The following ANKRD33B variants were observed in gnomAD, a reference collection of about 807,000 sequenced individuals.
ANKRD33B encodes the protein ankyrin repeat domain 33B, also known as ankyrin repeat domain-containing protein 33B.
In ANKRD33B, 6 loss-of-function variants were observed where a neutral mutation model predicts 21.5. That is an observed-to-expected ratio of 0.28 (90% CI 0.15 to 0.55). The LOEUF is 0.55. Among genes scored for constraint, ANKRD33B ranks in the 20% least tolerant of loss-of-function variants. ANKRD33B has a pLI of 0.94. For synonymous variants in ANKRD33B, 347 were observed against 342.4 expected, an observed-to-expected ratio of 1.01 and a Z score of -0.15; for missense variants, 698 against 747.2, an observed-to-expected ratio of 0.93 and a Z score of 0.77.
chr5:10,596,492 C>T (rs1735819556), intron 1 of ANKRD33B, among the ~76,000 whole-genome samples: 1 of 152,220 alleles, frequency 6.6e-6, no homozygotes, highest in South Asian at 2.1e-4. Context: ...CTGCAAAGGA[C>T]ATGGTCTTGT....
chr5:10,567,693 G>A (rs138669385), intron 1 of ANKRD33B, among the ~76,000 whole-genome samples: 203 of 152,292 alleles, frequency 1.3e-3, no homozygotes, highest in African/African-American at 4.7e-3. Flanking sequence ...AAATAGGATG[G>A]TCATTTAGAG....
chr5:10,632,563 A>G (rs1008646354), intron 2 of ANKRD33B, among the ~76,000 whole-genome samples: 2 of 151,980 alleles, frequency 1.3e-5, no homozygotes, highest in East Asian at 3.9e-4. Context: ...TCTCTGAATC[A>G]AGCACTCCTC....
intron 1 of ANKRD33B, among the ~76,000 whole-genome samples, chr5:10,612,675 G>A (rs539768016): frequency 2.0e-5 from 3 of 152,286 alleles, no homozygotes; most frequent in East Asian, 1.9e-4. Flanking sequence ...CAGCTGCTGC[G>A]ACCAAATGCT....
intron 1 of ANKRD33B, among the ~76,000 whole-genome samples, chr5:10,598,275 GT>G (rs560946921): frequency 6.6e-6 from 1 of 150,702 alleles, no homozygotes; most frequent in Non-Finnish European, 1.5e-5. Context: ...TTTGTTTTTT[GT>G]TTTTTTTTGA....
At chr5:10,580,832 TC>T in intron 1 of ANKRD33B, among the ~76,000 whole-genome samples, 1 of 152,228 alleles carries the variant, frequency 6.6e-6, no homozygotes, top group South Asian at 2.1e-4. Flanking sequence ...CTTCCATCCT[TC>T]CCTCTCTTCT....
At chr5:10,638,190 A>G (rs1280306183) in intron 3 of ANKRD33B, 22 bp downstream of exon 3, 1 of 1,535,028 alleles carries the variant, frequency 6.5e-7, no homozygotes, top group African/African-American at 1.4e-5. Flanking sequence ...TGTCCTGTGC[A>G]GCTTCCAGGG....
intron 3 of ANKRD33B, among the ~76,000 whole-genome samples, chr5:10,641,951 A>C (rs1350161151): frequency 6.6e-6 from 1 of 152,210 alleles, no homozygotes; most frequent in Non-Finnish European, 1.5e-5. Context: ...TACTAATTAA[A>C]TGGTAATTAT....
Position 10,564,389 on chromosome 5 carries a change from G to A in ANKRD33B, c.-79G>A. 1 of 948,960 alleles carries A rather than the reference G, an allele frequency of 1.1e-6. No individual in the cohort carries two copies. The highest frequency in any genetic ancestry group is 1.3e-6 in the Non-Finnish European group (1 of 791,410). The allele number at this position is 948,960 out of a possible 1,614,324, so 58.8% of individuals were successfully genotyped here. A position where few individuals can be genotyped will look rare whatever the true frequency, so the allele number is the denominator to read the frequency against. On this transcript the variant is annotated 5_prime_UTR_variant, in exon 1 of 4. Transcript: ENST00000296657. ...TTCTCTGGGGACGCAGAAGCGAGAA[G>A]CGGGGACCTCGGCGCGCGCCCCGCG...
chr5:10,624,671 T>C, intron 2 of ANKRD33B: 2 of 448,248 alleles, frequency 4.5e-6, no homozygotes, highest in South Asian at 3.2e-5. Flanking sequence ...GTGTGTGTCT[T>C]AATTGCCTCA....
In ANKRD33B at chr5:10,654,138, G is replaced by T. The variant is rs939515547; in HGVS notation, c.*4025G>T. 2.0e-5 allele frequency: 3 copies of T among 152,486 alleles called. No homozygotes were observed. Among genetic ancestry groups the T allele is most frequent in the Admixed American group, 6.5e-5 (1 of 15,292 alleles). The allele number at this position is 152,486 out of a possible 1,614,324, so 9.4% of individuals were successfully genotyped here. A position where few individuals can be genotyped will look rare whatever the true frequency, so the allele number is the denominator to read the frequency against. On this transcript the variant is annotated 3_prime_UTR_variant, in exon 4 of 4. Coordinates refer to ENST00000296657, the MANE Select transcript of ANKRD33B (RefSeq NM_001164440.2). ...CAGGGCCTGTGTGGGGCAATGTGTT[G>T]TCCCTGTCGGGTTATGGTGGGACCT... is the stretch of plus-strand genomic sequence containing the variant.
chr5:10,626,799 C>T (rs1409346712), intron 2 of ANKRD33B, among the ~76,000 whole-genome samples: 3 of 152,212 alleles, frequency 2.0e-5, no homozygotes, highest in Non-Finnish European at 4.4e-5. Context: ...AGCAGAGTAT[C>T]GTTGCCATCT....
At chr5:10,573,244 A>G (rs1735240709) in intron 1 of ANKRD33B, among the ~76,000 whole-genome samples, 1 of 151,974 alleles carries the variant, frequency 6.6e-6, no homozygotes, top group Non-Finnish European at 1.5e-5. Flanking sequence ...CGAGGTGGGC[A>G]GATAACGAGG....
intron 2 of ANKRD33B, among the ~76,000 whole-genome samples, chr5:10,636,836 C>T (rs1736878340): frequency 6.6e-6 from 1 of 152,332 alleles, no homozygotes; most frequent in Non-Finnish European, 1.5e-5. Context: ...GTCTGAGCTT[C>T]GGGGACAGTG....
intron 1 of ANKRD33B, among the ~76,000 whole-genome samples, 200 bp from the exon 2 acceptor site, chr5:10,618,133 C>T (rs1441003417): frequency 1.3e-5 from 2 of 152,240 alleles, no homozygotes; most frequent in Admixed American, 1.3e-4. Context: ...GGCCCTCACT[C>T]GAGTCAGTGC....
chr5:10,619,360 A>G lies in ANKRD33B; in HGVS notation c.496+898A>G, dbSNP rs1001647104. ...CCACTCAGGGCCTGGAAACTGGAGG[A>G]AGTGCCCCCGACCACACTGTATGTT... is the stretch of plus-strand genomic sequence containing the variant. On this transcript the variant is annotated intron_variant, in intron 2 of 3. Coordinates refer to ENST00000296657, the MANE Select transcript of ANKRD33B (RefSeq NM_001164440.2). The surrounding 1 kb of genome is among the most constrained non-coding windows in gnomAD (Gnocchi z 4.5). 1 of 985,380 alleles carries G rather than the reference A, an allele frequency of 1.0e-6. No homozygotes were observed. The highest frequency in any genetic ancestry group is 1.2e-6 in the Non-Finnish European group (1 of 829,916). The allele number at this position is 985,380 out of a possible 1,614,324, so 61.0% of individuals were successfully genotyped here.
rs760241455 is a variant in ANKRD33B at position 10,649,412 on chromosome 5, G to A, written c.784G>A (p.Glu262Lys). The A allele has an allele frequency of 2.6e-6, 4 of 1,535,316 alleles. No individual in the cohort carries two copies. The highest frequency in any genetic ancestry group is 2.4e-5 in the East Asian group (1 of 40,914). The change falls in exon 4 of 4, where the codon GAG (glutamate) becomes AAG (lysine). Residue 262 changes from glutamate (E) to lysine (K), a missense_variant. Glu to Lys is a moderately conservative substitution (Grantham distance 56). This residue lies in a region of ANKRD33B where 543 missense variants were observed against 566.5 expected (regional missense o/e 0.96). Transcript: ENST00000296657. Reference protein sequence around the residue: ...PEQFWEKYRPELPPPPEAARK... With the variant: ...PEQFWEKYRPKLPPPPEAARK... ...GCAGTTCTGGGAGAAGTACCGGCCC[G>A]AGCTGCCGCCGCCCCCTGAAGCGGC...
At chr5:10,585,136 G>T (rs1735526305) in intron 1 of ANKRD33B, among the ~76,000 whole-genome samples, 1 of 152,220 alleles carries the variant, frequency 6.6e-6, no homozygotes, top group Non-Finnish European at 1.5e-5. Flanking sequence ...GGAGGGGAAG[G>T]AAGAAGACCC....
chr5:10,591,174 T>A (rs900440558), intron 1 of ANKRD33B, among the ~76,000 whole-genome samples: 1 of 148,308 alleles, frequency 6.7e-6, no homozygotes, highest in East Asian at 2.0e-4. Flanking sequence ...ATAGAAATAG[T>A]CATCTACATT....
intron 1 of ANKRD33B, among the ~76,000 whole-genome samples, chr5:10,593,199 T>G (rs1457729651): frequency 7.7e-6 from 1 of 129,052 alleles, no homozygotes; most frequent in Non-Finnish European, 1.9e-5. Flanking sequence ...ACACTACAGC[T>G]ATTATTAGTT....
Sources: gnomAD v4.1 joint callset for allele counts (sites outside exome capture counted in the v4.1 genomes callset) on GRCh38, gnomAD v4.1.1 for gene constraint, gnomAD v4.1.1 regional missense constraint, Gnocchi (gnomAD v3.1) non-coding constraint, MANE v1.5 for transcripts, NCBI Gene and HGNC (gene_info 2026-07-23, HGNC 2026-07-21) for gene names.